PTPRN2: variants seen among roughly 807,000 people sequenced by gnomAD.
PTPRN2 encodes protein tyrosine phosphatase receptor type N2, also known as receptor-type tyrosine-protein phosphatase N2.
In PTPRN2, 74 loss-of-function variants were observed where a neutral mutation model predicts 118.8. The observed-to-expected ratio is 0.62, with a 90% CI of 0.52 to 0.76. PTPRN2 has a LOEUF of 0.76. Ranked by LOEUF, PTPRN2 falls within the 30% of genes least tolerant of loss-of-function variation. The pLI is 0.00. For missense variants in PTPRN2, 1,481 were observed against 1,394.4 expected (o/e 1.06, Z -0.99); for synonymous variants, 641 against 608.0 (o/e 1.05, Z -0.80).
At chr7:157,558,728 A>C (rs898997693) in intron 21 of PTPRN2, among the ~76,000 whole-genome samples, 3 of 152,146 alleles carry the variant, frequency 2.0e-5, no homozygotes, top group African/African-American at 4.8e-5. Flanking sequence ...CCTGGCCTTT[A>C]CGGGGGTCTG....
chr7:157,988,218 C>T (rs915023663), intron 11 of PTPRN2, among the ~76,000 whole-genome samples: 3 of 152,230 alleles, frequency 2.0e-5, no homozygotes, highest in African/African-American at 7.2e-5. Context: ...CCCCCACTGG[C>T]GTCCTGGCCA....
intron 12 of PTPRN2, among the ~76,000 whole-genome samples, chr7:157,803,704 C>T (rs74973364): frequency 0.019 from 2,893 of 152,344 alleles, 84 homozygotes; most frequent in South Asian, 0.12. Flanking sequence ...ATGGTGTATT[C>T]TCCTCATGCT....
Position 158,546,093 on chromosome 7 carries a change from C to T in PTPRN2, c.112+41465G>A, listed in dbSNP as rs556783524. Among the ~76,000 whole-genome samples, 9 of 152,316 alleles carry T rather than the reference C, an allele frequency of 5.9e-5. No individual in the cohort carries two copies. The South Asian group carries it at 1.7e-3, about 28-fold the overall frequency. On this transcript the variant is annotated intron_variant, in intron 1 of 22. Coordinates refer to ENST00000389418, the MANE Select transcript of PTPRN2 (RefSeq NM_002847.5). The surrounding 1 kb of genome is among the most constrained non-coding windows in gnomAD (Gnocchi z 5.0). ...CTGGAGACCAAAAAAACTGGGCCAA[C>T]GGCCCACAAACACGTGAGCCAGGTG... is the stretch of plus-strand genomic sequence containing the variant.
intron 1 of PTPRN2, among the ~76,000 whole-genome samples, chr7:158,505,914 C>CT (rs1372794137): frequency 1.3e-5 from 2 of 152,256 alleles, no homozygotes; most frequent in Non-Finnish European, 2.9e-5. Flanking sequence ...TAACAACACA[C>CT]TGAGTACCAC....
Position 158,362,135 on chromosome 7 carries a change from C to T in PTPRN2, c.164-45203G>A, listed in dbSNP as rs368100444. Among the ~76,000 whole-genome samples the T allele has an allele frequency of 1.2e-3, 182 of 152,344 alleles. 1 individual carries two copies. The highest frequency in any genetic ancestry group is 4.2e-3 in the African/African-American group (176 of 41,586). ...AGCCCAGACTAGAAATGCAGAGAAG[C>T]CACAGCTGCACCAGCAGGCACCACC... On this transcript the variant is annotated intron_variant, in intron 2 of 22. Coordinates refer to ENST00000389418, the MANE Select transcript of PTPRN2 (RefSeq NM_002847.5).
intron 2 of PTPRN2, among the ~76,000 whole-genome samples, chr7:158,484,979 C>T (rs941383066): frequency 2.0e-5 from 3 of 152,164 alleles, no homozygotes; most frequent in East Asian, 1.9e-4. Context: ...GAGTGAGCCA[C>T]GAGCGCAAGG....
At chr7:158,344,207 G>C (rs1412872754) in intron 2 of PTPRN2, among the ~76,000 whole-genome samples, 1 of 152,136 alleles carries the variant, frequency 6.6e-6, no homozygotes, top group Non-Finnish European at 1.5e-5. Context: ...AGCACAGACG[G>C]GGGAAGCTCC....
At chr7:158,522,359 C>CCGGGTGCTGGCT (rs1305304298) in intron 1 of PTPRN2, among the ~76,000 whole-genome samples, 2 of 131,040 alleles carry the variant, frequency 1.5e-5, no homozygotes, top group Admixed American at 7.6e-5. Context: ...GGTGGACTGT[C>CCGGGTGCTGGCT]CAGGTGCTGG....
chr7:157,876,269 TAAGGCGGA>T (rs1392371075), intron 12 of PTPRN2, among the ~76,000 whole-genome samples: 1 of 152,000 alleles, frequency 6.6e-6, no homozygotes, highest in African/African-American at 2.4e-5. Flanking sequence ...GGGCCTGAGG[TAAGGCGGA>T]CAGGGCTGAC....
intron 22 of PTPRN2, among the ~76,000 whole-genome samples, chr7:157,546,211 C>T (rs1421170329): frequency 2.6e-5 from 4 of 152,126 alleles, no homozygotes; most frequent in South Asian, 2.1e-4. Context: ...AACGGAGCTT[C>T]GGGTCACCAA....
chr7:157,699,590 A>AT (rs376675888), intron 12 of PTPRN2, among the ~76,000 whole-genome samples: 140 of 151,714 alleles, frequency 9.2e-4, no homozygotes, highest in African/African-American at 2.8e-3. Context: ...GGCCCAGTGA[A>AT]TTTTTTTTTG....
rs117261057 is a variant in PTPRN2, at chr7:158,161,335, C to T, written c.910+5596G>A. On this transcript the variant is annotated intron_variant, in intron 6 of 22. Coordinates refer to ENST00000389418, the MANE Select transcript of PTPRN2 (RefSeq NM_002847.5). ...TTAGGATGCACTACACCCATTGTTA[C>T]GACTCACTCCAACTCCACAGGAATC... is the stretch of plus-strand genomic sequence containing the variant. 9.0e-3 allele frequency among the ~76,000 whole-genome samples: 1,376 copies of T among 152,246 alleles called. 11 individuals carry two copies. The highest frequency in any genetic ancestry group is 0.014 in the Non-Finnish European group (920 of 68,036).
intron 2 of PTPRN2, among the ~76,000 whole-genome samples, chr7:158,337,282 C>T (rs1805803224): frequency 6.6e-6 from 1 of 151,518 alleles, no homozygotes; most frequent in South Asian, 2.1e-4. Flanking sequence ...CAAACTCACA[C>T]TCTCACCATA....
intron 13 of PTPRN2, among the ~76,000 whole-genome samples, chr7:157,679,793 G>A (rs1796834958): frequency 1.3e-5 from 2 of 152,190 alleles, no homozygotes; most frequent in African/African-American, 4.8e-5. Context: ...GCAGAGGTTG[G>A]CAACATGAGG....
intron 2 of PTPRN2, among the ~76,000 whole-genome samples, chr7:158,479,375 T>C (rs551019626): frequency 1.3e-3 from 204 of 152,230 alleles, no homozygotes; most frequent in Non-Finnish European, 2.3e-3. Context: ...CGCTCTTCTT[T>C]CCTGACTAAA....
intron 13 of PTPRN2, among the ~76,000 whole-genome samples, chr7:157,663,882 T>G (rs1028430834): frequency 4.6e-5 from 7 of 152,224 alleles, no homozygotes; most frequent in African/African-American, 1.7e-4. Flanking sequence ...AAAACACACT[T>G]CTTACTAGAA....
chr7:157,693,094 A>G (rs1375484191), intron 12 of PTPRN2, among the ~76,000 whole-genome samples: 4 of 150,514 alleles, frequency 2.7e-5, no homozygotes, highest in African/African-American at 9.8e-5. Flanking sequence ...GGGGCCGGAG[A>G]CGGCGGGAGG....
intron 12 of PTPRN2, among the ~76,000 whole-genome samples, chr7:157,821,934 T>A (rs1253510539): frequency 1.3e-5 from 2 of 152,030 alleles, no homozygotes; most frequent in African/African-American, 2.4e-5. Context: ...ATATACACTA[T>A]CCATCATCCA....
chr7:158,460,398 T>A (rs13311384), intron 2 of PTPRN2, among the ~76,000 whole-genome samples: 77 of 32,182 alleles, frequency 2.4e-3, no homozygotes, highest in Non-Finnish European at 3.1e-3. Context: ...CTGTGTGCCA[T>A]GAGCACAGGA....
Sources: gnomAD v4.1 joint callset for allele counts (sites outside exome capture counted in the v4.1 genomes callset) on GRCh38, gnomAD v4.1.1 for gene constraint, Gnocchi (gnomAD v3.1) non-coding constraint, MANE v1.5 for transcripts, NCBI Gene and HGNC (gene_info 2026-07-23, HGNC 2026-07-21) for gene names.